The following AGBL4 variants were observed in gnomAD, a reference collection of about 807,000 sequenced individuals.
The protein encoded by AGBL4 is cytosolic carboxypeptidase 6.
Under a neutral mutation model 66.4 loss-of-function variants are expected in AGBL4, and 58 were observed. The ratio of observed to expected loss-of-function variants is 0.87; its 90% CI spans 0.71 to 1.09. The LOEUF (loss-of-function observed/expected upper bound fraction) is 1.09, where lower values mean the gene tolerates loss of function less well. AGBL4 is among the 50% of genes least tolerant of loss of function. AGBL4 has a pLI of 0.00. For synonymous variants in AGBL4, 234 were observed against 222.9 expected (o/e 1.05, Z -0.44); for missense variants, 579 against 631.0 (o/e 0.92, Z 0.88).
chr1:48,864,046 A>G (rs1006107822), intron 6 of AGBL4, among the ~76,000 whole-genome samples: 2 of 152,154 alleles, frequency 1.3e-5, no homozygotes, highest in African/African-American at 4.8e-5. Context: ...TGCAATGTAT[A>G]TAAGTGACAC....
At chr1:49,436,867 AAATTAC>A (rs1482546531) in intron 3 of AGBL4, among the ~76,000 whole-genome samples, 1 of 152,202 alleles carries the variant, frequency 6.6e-6, no homozygotes, top group Non-Finnish European at 1.5e-5. Flanking sequence ...TAAAAATCTT[AAATTAC>A]AATTACAAGA....
intron 4 of AGBL4, among the ~76,000 whole-genome samples, chr1:49,130,970 AT>A (rs1645881624): frequency 6.6e-6 from 1 of 152,186 alleles, no homozygotes; most frequent in Non-Finnish European, 1.5e-5. Context: ...GTACATAAAC[AT>A]TCATAGTAGC....
intron 3 of AGBL4, among the ~76,000 whole-genome samples, chr1:49,300,686 C>T (rs1391483989): frequency 2.0e-5 from 3 of 152,194 alleles, no homozygotes; most frequent in Non-Finnish European, 4.4e-5. Flanking sequence ...ATCTCTTTAA[C>T]ATGGCAGTTT....
chr1:49,762,333 A>C (rs1652387027), intron 2 of AGBL4, among the ~76,000 whole-genome samples: 1 of 152,016 alleles, frequency 6.6e-6, no homozygotes, highest in Non-Finnish European at 1.5e-5. Flanking sequence ...AGTGATGCTG[A>C]ATATTTTTTC....
At chr1:48,935,628 A>G (rs185222368) in intron 5 of AGBL4, among the ~76,000 whole-genome samples, 10 of 152,138 alleles carry the variant, frequency 6.6e-5, no homozygotes, top group Admixed American at 1.3e-4. Context: ...AAACCCCAAC[A>G]TGCAAGAAAA....
intron 2 of AGBL4, among the ~76,000 whole-genome samples, chr1:49,809,786 C>T (rs912431113): frequency 2.6e-5 from 4 of 152,138 alleles, no homozygotes; most frequent in African/African-American, 4.8e-5. Context: ...AGACAAAATG[C>T]TGTAAACAAT....
intron 3 of AGBL4, among the ~76,000 whole-genome samples, chr1:49,568,484 T>C (rs1316292941): frequency 5.0e-5 from 2 of 40,066 alleles, no homozygotes; most frequent in Non-Finnish European, 1.1e-4. Context: ...AAGAAATAAG[T>C]GATCACACAC....
At chr1:48,727,205 A>G (rs1355454575) in intron 6 of AGBL4, among the ~76,000 whole-genome samples, 1 of 152,236 alleles carries the variant, frequency 6.6e-6, no homozygotes, top group African/African-American at 2.4e-5. Flanking sequence ...ATGTAACCCT[A>G]TACTCATCTA....
At chr1:49,242,354 C>A (rs895764302) in intron 4 of AGBL4, among the ~76,000 whole-genome samples, 5 of 151,968 alleles carry the variant, frequency 3.3e-5, no homozygotes, top group Admixed American at 6.6e-5. Flanking sequence ...CCAAAGGCCA[C>A]ACAATAGCAT....
chr1:48,676,578 C>T (rs1646368797), intron 6 of AGBL4, among the ~76,000 whole-genome samples: 1 of 152,212 alleles, frequency 6.6e-6, no homozygotes, highest in Non-Finnish European at 1.5e-5. Flanking sequence ...TAAATGTTTA[C>T]TGACTAATAG....
At chr1:48,754,257 C>T (rs1652185999) in intron 6 of AGBL4, among the ~76,000 whole-genome samples, 1 of 152,132 alleles carries the variant, frequency 6.6e-6, no homozygotes, top group Admixed American at 6.5e-5. Context: ...GCTTACCCTC[C>T]CCCAACTGGG....
At chr1:49,125,911 G>T (rs960241174) in intron 4 of AGBL4, among the ~76,000 whole-genome samples, 5 of 152,082 alleles carry the variant, frequency 3.3e-5, no homozygotes, top group African/African-American at 1.2e-4. Context: ...ATTGTTTCCA[G>T]ATTCATTTTC....
intron 11 of AGBL4, among the ~76,000 whole-genome samples, chr1:48,553,113 C>A (rs1644273284): frequency 6.6e-6 from 1 of 152,104 alleles, no homozygotes; most frequent in Non-Finnish European, 1.5e-5. Context: ...TCCTCATTCC[C>A]CTGCTCCTCC....
In AGBL4 at chr1:49,019,868, T is replaced by C. The variant is rs187239357; in HGVS notation, c.594+25716A>G. Among the ~76,000 whole-genome samples the C allele has an allele frequency of 4.9e-4, 74 of 152,332 alleles. No individual in the cohort carries two copies. In the East Asian group the frequency reaches 0.011, roughly 22 times the overall value. On this transcript the variant is annotated intron_variant, in intron 5 of 13. Transcript: ENST00000371839. ...GTGATTTTAGGCAAGTTATTTAGTC[T>C]CTTTGCACCTCAGTTTCCTGATCTT...
At chr1:49,656,458 A>G (rs1027726766) in intron 3 of AGBL4, among the ~76,000 whole-genome samples, 2 of 152,184 alleles carry the variant, frequency 1.3e-5, no homozygotes, top group African/African-American at 4.8e-5. Flanking sequence ...TCCTTCTGAA[A>G]CTATTCCAAT....
intron 3 of AGBL4, among the ~76,000 whole-genome samples, chr1:49,602,925 C>T (rs1644989754): frequency 6.6e-6 from 1 of 152,036 alleles, no homozygotes; most frequent in Non-Finnish European, 1.5e-5. Context: ...AAACGAGGAT[C>T]ACGTCTTGTA....
intron 6 of AGBL4, among the ~76,000 whole-genome samples, chr1:48,769,526 A>AACACACAC (rs558937968): frequency 0.086 from 11,167 of 130,092 alleles, 542 homozygotes; most frequent in Admixed American, 0.12. Context: ...GAGGATTTAA[A>AACACACAC]ACACACACAC....
intron 3 of AGBL4, among the ~76,000 whole-genome samples, chr1:49,511,297 C>A (rs1213614727): frequency 6.6e-6 from 1 of 151,508 alleles, no homozygotes; most frequent in East Asian, 1.9e-4. Context: ...GAGTTCATGT[C>A]CTTTGTAGGG....
rs1429177717 is a variant in AGBL4 at position 48,776,810 on chromosome 1, G to A, written c.634+90381C>T. 3.3e-6 allele frequency: 5 copies of A among 1,522,206 alleles called. No individual in the cohort carries two copies. In the South Asian group the frequency reaches 4.9e-5, roughly 15 times the overall value. 94.3% of individuals were successfully genotyped at this position (1,522,206 alleles called of 1,614,324 possible). A position where few individuals can be genotyped will look rare whatever the true frequency, so the allele number is the denominator to read the frequency against. On this transcript the variant is annotated intron_variant, in intron 6 of 13. Transcript: ENST00000371839. ...AGCGCGTAGCAGACGTTGTCCTCCA[G>A]GAACCGCACAAAGGCGTACATGGTG... is the stretch of plus-strand genomic sequence containing the variant.
Sources: allele counts gnomAD v4.1 joint callset (sites outside exome capture counted in the v4.1 genomes callset), GRCh38; gene constraint gnomAD v4.1.1; transcripts MANE v1.5; gene names NCBI Gene and HGNC (gene_info 2026-07-23, HGNC 2026-07-21).